The following TMPRSS11F variants were observed in gnomAD, a reference collection of about 807,000 sequenced individuals.
The protein encoded by TMPRSS11F is transmembrane serine protease 11F.
A neutral mutation model predicts 60.2 loss-of-function variants in TMPRSS11F; 47 were observed. That is an observed-to-expected ratio of 0.78 (90% CI 0.62 to 1.00). The LOEUF (loss-of-function observed/expected upper bound fraction) is 1.00. TMPRSS11F is among the 50% of genes least tolerant of loss of function. The probability of loss-of-function intolerance (pLI) is 0.00; values close to 1 mark genes in which losing one functional copy is unlikely to be tolerated. For missense variants in TMPRSS11F, 519 were observed against 522.9 expected (o/e 0.99, Z 0.07); for synonymous variants, 166 against 167.3 (o/e 0.99, Z 0.06).
intron 1 of TMPRSS11F, among the ~76,000 whole-genome samples, chr4:68,104,906 A>G (rs946219618): frequency 6.6e-6 from 1 of 150,850 alleles, no homozygotes; most frequent in Non-Finnish European, 1.5e-5. Context: ...TGGACTCAGT[A>G]TATTTTATTG....
intron 1 of TMPRSS11F, among the ~76,000 whole-genome samples, chr4:68,105,294 T>C (rs1724283972): frequency 6.6e-6 from 1 of 152,044 alleles, no homozygotes; most frequent in African/African-American, 2.4e-5. Context: ...CATGTTAAAG[T>C]AAAATTGGAA....
intron 2 of TMPRSS11F, among the ~76,000 whole-genome samples, chr4:68,091,781 C>A (rs139281810): frequency 0.53 from 63,354 of 118,770 alleles, 14,516 homozygotes; most frequent in Non-Finnish European, 0.6. Context: ...CTCTCTCTCT[C>A]TCTATCTATC....
intron 1 of TMPRSS11F, among the ~76,000 whole-genome samples, chr4:68,106,599 G>A (rs759761995): frequency 6.6e-5 from 10 of 152,178 alleles, no homozygotes; most frequent in South Asian, 2.1e-4. Flanking sequence ...GGGAAACTGC[G>A]GGGGGAGGGG....
chr4:68,063,077 T>C lies in TMPRSS11F; in HGVS notation c.1015+1608A>G, dbSNP rs373262542. On this transcript the variant is annotated intron_variant, in intron 8 of 9. Transcript: ENST00000356291. The stretch of plus-strand genomic sequence containing the variant: ...CTTGTGAATTGTTCCTTGTACTGTA[T>C]TCTGAACCAAGATCTGGAAGCCCTC... 9.2e-6 allele frequency: 6 copies of C among 649,272 alleles called. No individual in the cohort carries two copies. In the African/African-American group the frequency reaches 1.1e-4, roughly 12 times the overall value. 40.2% of individuals were successfully genotyped at this position (649,272 alleles called of 1,614,324 possible).
At chr4:68,128,714 A>G (rs1381198373) in intron 1 of TMPRSS11F, among the ~76,000 whole-genome samples, 1 of 152,100 alleles carries the variant, frequency 6.6e-6, no homozygotes, top group Non-Finnish European at 1.5e-5. Flanking sequence ...AGTTTTTTCT[A>G]CTGTACGTTT....
chr4:68,083,022 G>A (rs372636319), intron 3 of TMPRSS11F, among the ~76,000 whole-genome samples: 6 of 152,146 alleles, frequency 3.9e-5, no homozygotes, highest in African/African-American at 1.2e-4. Context: ...AACAAGCTGG[G>A]CAGGCCCCAC....
chr4:68,076,853 G>A (rs1459247963), intron 3 of TMPRSS11F, among the ~76,000 whole-genome samples: 2 of 152,158 alleles, frequency 1.3e-5, no homozygotes, highest in Non-Finnish European at 2.9e-5. Flanking sequence ...GGCTCACAAA[G>A]GGAAATAATA....
At chr4:68,075,650 C>G (rs1411270272) in intron 3 of TMPRSS11F, among the ~76,000 whole-genome samples, 1 of 152,082 alleles carries the variant, frequency 6.6e-6, no homozygotes, top group Non-Finnish European at 1.5e-5. Context: ...TCACCAATAA[C>G]AGTTTATAGG....
intron 5 of TMPRSS11F, among the ~76,000 whole-genome samples, chr4:68,071,601 C>T (rs966071008): frequency 6.6e-6 from 1 of 152,122 alleles, no homozygotes; most frequent in African/African-American, 2.4e-5. Flanking sequence ...ATTTGAAACG[C>T]ATTATTTTAC....
intron 3 of TMPRSS11F, among the ~76,000 whole-genome samples, chr4:68,076,751 A>C (rs1022616556): frequency 6.6e-6 from 1 of 152,208 alleles, no homozygotes; most frequent in Non-Finnish European, 1.5e-5. Context: ...AGATAGCACC[A>C]ATCTTCCATT....
At chr4:68,095,679 C>T (rs28637532) in intron 2 of TMPRSS11F, among the ~76,000 whole-genome samples, 1 of 151,654 alleles carries the variant, frequency 6.6e-6, no homozygotes, top group East Asian at 1.9e-4. Flanking sequence ...GGGCAGATCA[C>T]GAGGTCAGGA....
intron 1 of TMPRSS11F, among the ~76,000 whole-genome samples, chr4:68,120,550 G>A (rs1454337626): frequency 6.6e-6 from 1 of 151,172 alleles, no homozygotes; most frequent in Non-Finnish European, 1.5e-5. Context: ...CACTACGCCC[G>A]GCTAATTTTT....
At chr4:68,089,026 C>T (rs758489379) in intron 3 of TMPRSS11F, among the ~76,000 whole-genome samples, 8 of 151,562 alleles carry the variant, frequency 5.3e-5, no homozygotes, top group Non-Finnish European at 1.0e-4. Flanking sequence ...ACCAAGATCA[C>T]TTTTTACAGA....
In TMPRSS11F at chr4:68,064,229, G is replaced by A. The variant is rs143470936; in HGVS notation, c.1015+456C>T. Among the ~76,000 whole-genome samples the A allele has an allele frequency of 1.4e-3, 206 of 149,452 alleles. 5 individuals are homozygous for A. In the East Asian group the frequency reaches 0.033, roughly 24 times the overall value. On this transcript the variant is annotated intron_variant, in intron 8 of 9. Transcript: ENST00000356291. ...AGACGGAGTCTAGCTCTGTCACCCA[G>A]GTAGGAGTGCAATGTTTCGATCTCA...
Position 68,072,490 on chromosome 4 carries a change from A to G in TMPRSS11F, c.351-4T>C. The G allele has an allele frequency of 2.0e-6, 3 of 1,488,818 alleles. No homozygotes were observed. Among genetic ancestry groups the G allele is most frequent in the Non-Finnish European group, 2.7e-6 (3 of 1,112,712 alleles). The allele number at this position is 1,488,818 out of a possible 1,614,324, so 92.2% of individuals were successfully genotyped here. A position where few individuals can be genotyped will look rare whatever the true frequency, so the allele number is the denominator to read the frequency against. ...ATCCACACCTTGTTCATCTGGACTG[A>G]AGAACAAAAAAGCAGATAAAAATGG... On this transcript the variant is annotated splice_polypyrimidine_tract_variant and splice_region_variant and intron_variant, in intron 4 of 9. Coordinates refer to ENST00000356291, the MANE Select transcript of TMPRSS11F (RefSeq NM_207407.2).
Position 68,053,845 on chromosome 4 carries a change from C to G in TMPRSS11F, c.*64G>C. 6.8e-7 allele frequency: 1 copy of G among 1,475,122 alleles called. No individual in the cohort carries two copies. Among genetic ancestry groups the G allele is most frequent in the Non-Finnish European group, 9.3e-7 (1 of 1,078,246 alleles). The allele number at this position is 1,475,122 out of a possible 1,614,324, so 91.4% of individuals were successfully genotyped here. On this transcript the variant is annotated 3_prime_UTR_variant, in exon 10 of 10. Transcript: ENST00000356291. Reference sequence around the variant, plus strand: ...CTAATCCAAAGTAAATGAATTTAAACAATACAAAATACGCAGGAGTATCAG... The same window carrying G: ...CTAATCCAAAGTAAATGAATTTAAAGAATACAAAATACGCAGGAGTATCAG...
chr4:68,054,045 A>G lies in TMPRSS11F; in HGVS notation c.1181T>C (p.Val394Ala), dbSNP rs755412799. 1.9e-6 allele frequency: 3 copies of G among 1,612,820 alleles called. No individual in the cohort carries two copies. In the African/African-American group the frequency reaches 4.0e-5, roughly 22 times the overall value. ...GTACCAGATGTCATGATTATCATAA[A>G]CCAGAGGTCCACCAGAATCTCCCTG... ...ACKGDSGGPL[V>A]YDNHDIWYIV... is the part of the protein sequence containing the mutation. Residue 394 changes from valine to alanine, a missense_variant, in exon 10 of 10, where the codon GTT becomes GCT. Transcript: ENST00000356291.
chr4:68,105,773 TA>T (rs1340391922), intron 1 of TMPRSS11F, among the ~76,000 whole-genome samples: 1 of 152,176 alleles, frequency 6.6e-6, no homozygotes, highest in Non-Finnish European at 1.5e-5. Context: ...TTAAAATGTA[TA>T]AAAATAAATG....
chr4:68,106,387 G>A (rs1395975294), intron 1 of TMPRSS11F, among the ~76,000 whole-genome samples: 2 of 152,106 alleles, frequency 1.3e-5, no homozygotes, highest in African/African-American at 4.8e-5. Flanking sequence ...AAATGATAGA[G>A]CCATCTAAGT....
Sources: gnomAD v4.1 joint callset for allele counts (sites outside exome capture counted in the v4.1 genomes callset) on GRCh38, gnomAD v4.1.1 for gene constraint, MANE v1.5 for transcripts, NCBI Gene and HGNC (gene_info 2026-07-23, HGNC 2026-07-21) for gene names.